Variants in ANKFN1 observed in about 807,000 individuals in gnomAD.
ANKFN1 encodes ankyrin repeat and fibronectin type-III domain-containing protein 1.
ANKFN1 carries 74 observed loss-of-function variants against 108.7 expected under a neutral mutation model. That is an observed-to-expected ratio of 0.68 (90% CI 0.56 to 0.83). ANKFN1 has a LOEUF of 0.83. ANKFN1 is among the 40% of genes least tolerant of loss of function. ANKFN1 has a pLI of 0.00. For missense variants in ANKFN1, 1,505 were observed against 1,382.3 expected, an observed-to-expected ratio of 1.09 and a Z score of -1.41; for synonymous variants, 547 against 516.2, an observed-to-expected ratio of 1.06 and a Z score of -0.81.
chr17:56,457,008 C>T (rs1392808527), intron 12 of ANKFN1, 48 bp downstream of exon 12: 4 of 1,542,792 alleles, frequency 2.6e-6, no homozygotes, highest in Non-Finnish European at 2.7e-6. Context: ...TTCAAGAATG[C>T]ACTGGTTTTG....
chr17:56,290,438 A>ATAT (rs2044329916), intron 3 of ANKFN1, among the ~76,000 whole-genome samples: 1 of 152,212 alleles, frequency 6.6e-6, no homozygotes, highest in African/African-American at 2.4e-5. Context: ...AGCCCAAGGA[A>ATAT]ATATTGATAT....
chr17:56,275,604 G>A (rs939970420), intron 3 of ANKFN1, among the ~76,000 whole-genome samples: 8 of 152,306 alleles, frequency 5.3e-5, no homozygotes, highest in East Asian at 1.9e-4. Flanking sequence ...TGTTTAAAAC[G>A]TATAGCAAGG....
intron 3 of ANKFN1, among the ~76,000 whole-genome samples, chr17:56,229,284 C>T (rs1463963434): frequency 1.3e-5 from 2 of 152,046 alleles, no homozygotes; most frequent in Non-Finnish European, 2.9e-5. Flanking sequence ...AAGAAAGTCA[C>T]GTTAGATTTT....
At chr17:56,204,989 T>C (rs1168804832) in intron 1 of ANKFN1, among the ~76,000 whole-genome samples, 2 of 152,134 alleles carry the variant, frequency 1.3e-5, no homozygotes, top group Non-Finnish European at 1.5e-5. Flanking sequence ...GGCAGGGGAA[T>C]GGTGTGAACC....
intron 11 of ANKFN1, among the ~76,000 whole-genome samples, chr17:56,450,561 C>G (rs2145205729): frequency 6.6e-6 from 1 of 152,308 alleles, no homozygotes; most frequent in African/African-American, 2.4e-5. Flanking sequence ...CAGACCAGGA[C>G]CTTCAGCATA....
At chr17:56,276,487 A>G (rs2043938394) in intron 3 of ANKFN1, among the ~76,000 whole-genome samples, 2 of 152,004 alleles carry the variant, frequency 1.3e-5, no homozygotes, top group Admixed American at 1.3e-4. Context: ...AAGTGCTCCT[A>G]TTTCTCCACA....
intron 3 of ANKFN1, among the ~76,000 whole-genome samples, chr17:56,259,565 T>C (rs1472315704): frequency 6.6e-6 from 1 of 152,044 alleles, no homozygotes; most frequent in Non-Finnish European, 1.5e-5. Context: ...AGGGAGGTGT[T>C]CCCAGTAGAA....
At chr17:56,496,312 A>T (rs1598723401) in intron 19 of ANKFN1, among the ~76,000 whole-genome samples, 1 of 152,308 alleles carries the variant, frequency 6.6e-6, no homozygotes, top group South Asian at 2.1e-4. Context: ...AAGCTGAAAC[A>T]ATCTTATCCA....
chr17:56,386,336 G>A (rs151083789), intron 8 of ANKFN1, among the ~76,000 whole-genome samples: 2,420 of 152,048 alleles, frequency 0.016, 53 homozygotes, highest in African/African-American at 0.053. Flanking sequence ...TGGGGGGAGC[G>A]GGGAGGGATA....
Position 56,350,619 on chromosome 17 carries a change from A to C in ANKFN1, c.189-147A>C, listed in dbSNP as rs2046221283. On this transcript the variant is annotated intron_variant, in intron 4 of 20. Transcript: ENST00000682825. Reference sequence around the variant, plus strand: ...TTTCAGCTTTCTCATTTAAAACATAAAAAAAGCTGGGTCTGATAATCTCTA... The same window carrying C: ...TTTCAGCTTTCTCATTTAAAACATACAAAAAGCTGGGTCTGATAATCTCTA... 4.1e-6 allele frequency: 3 copies of C among 734,598 alleles called. No individual in the cohort carries two copies. The East Asian group carries it at 8.1e-5, about 20-fold the overall frequency. 45.5% of individuals were successfully genotyped at this position (734,598 alleles called of 1,614,324 possible).
rs368030682 is a variant in ANKFN1 at position 56,058,317 on chromosome 17, G to T, written c.288+11992G>T. Among the ~76,000 whole-genome samples the T allele has an allele frequency of 5.1e-4, 77 of 152,254 alleles. No individual in the cohort carries two copies. The South Asian group carries it at 6.2e-3, about 12-fold the overall frequency. ...TGGAAAATCTGTTGTTTTTAGTGTCGCCACCTTCATGAATAATCTTAGCTA... is the reference window on the plus strand; with the variant it reads ...TGGAAAATCTGTTGTTTTTAGTGTCTCCACCTTCATGAATAATCTTAGCTA... On this transcript the variant is annotated intron_variant, in intron 4 of 12. Transcript: ENST00000635860.
chr17:56,506,322 T>C (rs956875650), intron 20 of ANKFN1, among the ~76,000 whole-genome samples: 1 of 151,368 alleles, frequency 6.6e-6, no homozygotes, highest in African/African-American at 2.4e-5. Context: ...TGTGATGAGA[T>C]CATCCTGGAT....
intron 8 of ANKFN1, among the ~76,000 whole-genome samples, chr17:56,409,525 C>A (rs2048025397): frequency 6.6e-6 from 1 of 152,144 alleles, no homozygotes; most frequent in South Asian, 2.1e-4. Context: ...TGAAGAACAT[C>A]TCATACTAGT....
chr17:56,096,225 G>A (rs56805065), intron 4 of ANKFN1, among the ~76,000 whole-genome samples: 17,602 of 152,120 alleles, frequency 0.12, 1,810 homozygotes, highest in African/African-American at 0.27. Flanking sequence ...CCAGCCAGAG[G>A]CCAGGATGTG....
At chr17:56,420,034 G>A (rs1453408053) in intron 8 of ANKFN1, among the ~76,000 whole-genome samples, 1 of 151,966 alleles carries the variant, frequency 6.6e-6, no homozygotes, top group African/African-American at 2.4e-5. Context: ...CAAATCCCCA[G>A]AGCAGCTCAT....
intron 4 of ANKFN1, among the ~76,000 whole-genome samples, chr17:56,078,513 G>A (rs897442667): frequency 2.6e-5 from 4 of 152,122 alleles, no homozygotes; most frequent in South Asian, 2.1e-4. Context: ...TAGTCTTTGC[G>A]TATATTGTGT....
intron 17 of ANKFN1, among the ~76,000 whole-genome samples, chr17:56,481,563 T>C (rs192926921): frequency 5.3e-5 from 8 of 151,846 alleles, no homozygotes; most frequent in African/African-American, 1.9e-4. Flanking sequence ...TGGGAGACCA[T>C]TAGAGGAGCG....
At chr17:56,134,720 T>A (rs922457587) in intron 4 of ANKFN1, among the ~76,000 whole-genome samples, 1 of 152,126 alleles carries the variant, frequency 6.6e-6, no homozygotes, top group African/African-American at 2.4e-5. Flanking sequence ...ATCAACTAAT[T>A]AAGGATGGCA....
intron 8 of ANKFN1, among the ~76,000 whole-genome samples, chr17:56,431,273 C>G (rs2048745959): frequency 6.6e-6 from 1 of 152,132 alleles, no homozygotes; most frequent in Non-Finnish European, 1.5e-5. Context: ...AATTACTGAC[C>G]TAGCCCATCT....
Sources: gnomAD v4.1 joint callset for allele counts (sites outside exome capture counted in the v4.1 genomes callset) on GRCh38, gnomAD v4.1.1 for gene constraint, MANE v1.5 for transcripts, NCBI Gene and HGNC (gene_info 2026-07-23, HGNC 2026-07-21) for gene names.